The following IPCEF1 variants were observed in gnomAD, a reference collection of about 807,000 sequenced individuals.
IPCEF1 encodes the protein interaction protein for cytohesin exchange factors 1.
In IPCEF1, 31 loss-of-function variants were observed where a neutral mutation model predicts 50.9. The observed-to-expected ratio is 0.61, with a 90% CI of 0.46 to 0.82. The LOEUF (loss-of-function observed/expected upper bound fraction) is 0.82, where lower values mean the gene tolerates loss of function less well. Among genes scored for constraint, IPCEF1 ranks in the 40% least tolerant of loss-of-function variants. The pLI is 0.00. For synonymous variants in IPCEF1, 181 were observed against 192.0 expected (o/e 0.94, Z 0.47); for missense variants, 458 against 514.0 (o/e 0.89, Z 1.05).
intron 10 of IPCEF1, among the ~76,000 whole-genome samples, chr6:154,186,698 A>G (rs932018158): frequency 2.6e-5 from 4 of 151,902 alleles, no homozygotes; most frequent in Non-Finnish European, 4.4e-5. Flanking sequence ...CTGGGACTAC[A>G]GGCGCCCGCC....
chr6:154,296,336 C>A (rs1285567410), intron 1 of IPCEF1, among the ~76,000 whole-genome samples: 1 of 152,144 alleles, frequency 6.6e-6, no homozygotes, highest in Non-Finnish European at 1.5e-5. Flanking sequence ...AAAGTCACTT[C>A]TCGGATCCAC....
chr6:154,182,220 CTATT>C (rs945447916), intron 10 of IPCEF1, among the ~76,000 whole-genome samples: 2 of 152,158 alleles, frequency 1.3e-5, no homozygotes, highest in African/African-American at 4.8e-5. Context: ...TCATTTTCCT[CTATT>C]TGTTTTACCT....
intron 1 of IPCEF1, among the ~76,000 whole-genome samples, chr6:154,309,485 T>G (rs883274): frequency 0.12 from 17,569 of 152,118 alleles, 1,347 homozygotes; most frequent in East Asian, 0.33. Flanking sequence ...ATCTCACCGT[T>G]CTTCACAGAG....
At chr6:154,222,271 G>T (rs1442327596) in intron 6 of IPCEF1, among the ~76,000 whole-genome samples, 1 of 152,252 alleles carries the variant, frequency 6.6e-6, no homozygotes, top group African/African-American at 2.4e-5. Context: ...CAGGGTTTTT[G>T]TAAATAGCCA....
chr6:154,273,389 G>A (rs905626828), intron 2 of IPCEF1, among the ~76,000 whole-genome samples: 1 of 152,214 alleles, frequency 6.6e-6, no homozygotes, highest in East Asian at 1.9e-4. Flanking sequence ...CTGGAGACAA[G>A]CACTGTTTAT....
At chr6:154,162,802 C>G (rs926406480) in intron 11 of IPCEF1, among the ~76,000 whole-genome samples, 18 of 152,132 alleles carry the variant, frequency 1.2e-4, no homozygotes, top group Non-Finnish European at 2.5e-4. Context: ...TCCCTGGACT[C>G]CATCATCATT....
At chr6:154,183,989 TC>T (rs987208018) in intron 10 of IPCEF1, among the ~76,000 whole-genome samples, 7 of 152,128 alleles carry the variant, frequency 4.6e-5, no homozygotes, top group Admixed American at 4.6e-4. Context: ...TAAGCAAATT[TC>T]AAGTACACAA....
At chr6:154,299,154 C>T (rs1318928629) in intron 1 of IPCEF1, among the ~76,000 whole-genome samples, 1 of 140,494 alleles carries the variant, frequency 7.1e-6, no homozygotes, top group Non-Finnish European at 1.6e-5. Flanking sequence ...TGGTTAGCAT[C>T]CTAAAGCCCC....
chr6:154,329,582 C>A (rs532281414), intron 1 of IPCEF1, among the ~76,000 whole-genome samples: 13 of 149,428 alleles, frequency 8.7e-5, no homozygotes, highest in Admixed American at 3.4e-4. Flanking sequence ...CAGAGCCAGA[C>A]CCTGTTGCAA....
intron 1 of IPCEF1, among the ~76,000 whole-genome samples, chr6:154,296,727 G>C (rs1782670289): frequency 6.6e-6 from 1 of 151,732 alleles, no homozygotes; most frequent in African/African-American, 2.4e-5. Flanking sequence ...TACTCGGGAG[G>C]CTGAGGCAGG....
chr6:154,285,755 CAG>C (rs1189541687), intron 2 of IPCEF1, among the ~76,000 whole-genome samples: 13 of 152,098 alleles, frequency 8.5e-5, no homozygotes, highest in Non-Finnish European at 1.6e-4. Context: ...GTTTTTAACA[CAG>C]AGTTTATTTT....
chr6:154,268,934 T>A (rs560967391), intron 2 of IPCEF1, among the ~76,000 whole-genome samples: 14 of 152,316 alleles, frequency 9.2e-5, no homozygotes, highest in African/African-American at 3.4e-4. Context: ...TCCCCTTTTA[T>A]AGCCTCTCAC....
At chr6:154,347,568 G>A (rs544434617) in intron 1 of IPCEF1, among the ~76,000 whole-genome samples, 1 of 152,374 alleles carries the variant, frequency 6.6e-6, no homozygotes, top group East Asian at 1.9e-4. Flanking sequence ...GCCCTGCATG[G>A]CCTGTTGGAA....
intron 2 of IPCEF1, among the ~76,000 whole-genome samples, chr6:154,268,574 A>G (rs1205249432): frequency 1.3e-5 from 2 of 152,110 alleles, no homozygotes. Flanking sequence ...ATTTTTTTCA[A>G]TGCACATCTG....
intron 10 of IPCEF1, among the ~76,000 whole-genome samples, chr6:154,182,756 T>C (rs117118208): frequency 0.011 from 1,620 of 152,270 alleles, 12 homozygotes; most frequent in Non-Finnish European, 0.017. Context: ...TAGATAAATA[T>C]GTTAGCTGTG....
Position 154,235,594 on chromosome 6 carries a change from C to A in IPCEF1, c.246+10997G>T, listed in dbSNP as rs1050513889. Among the ~76,000 whole-genome samples, 4 of 148,496 alleles carry A rather than the reference C, an allele frequency of 2.7e-5. 1 individual carries two copies. The South Asian group carries it at 8.5e-4, about 32-fold the overall frequency. On this transcript the variant is annotated intron_variant, in intron 5 of 11. Transcript: ENST00000367220. ...AAGTCTTTTAAAATCACAGTCAGTA[C>A]AACACATAATCTTGCCTTCCTGCAA...
chr6:154,300,935 A>G (rs534539755), intron 1 of IPCEF1, among the ~76,000 whole-genome samples: 5 of 152,236 alleles, frequency 3.3e-5, no homozygotes, highest in Non-Finnish European at 7.3e-5. Flanking sequence ...CAGACCAGCT[A>G]TTCTAAACCC....
chr6:154,299,872 AAGT>A (rs758042966), intron 1 of IPCEF1, among the ~76,000 whole-genome samples: 1 of 141,336 alleles, frequency 7.1e-6, no homozygotes, highest in Non-Finnish European at 1.6e-5. Context: ...AGAAAAAAGA[AAGT>A]AGTCTATGAC....
At chr6:154,308,838 T>C (rs1234134453) in intron 1 of IPCEF1, among the ~76,000 whole-genome samples, 2 of 152,246 alleles carry the variant, frequency 1.3e-5, no homozygotes. Context: ...TAGAATGTTC[T>C]CTTTGTTGTC....
Sources: gnomAD v4.1 joint callset for allele counts (sites outside exome capture counted in the v4.1 genomes callset) on GRCh38, gnomAD v4.1.1 for gene constraint, MANE v1.5 for transcripts, NCBI Gene and HGNC (gene_info 2026-07-23, HGNC 2026-07-21) for gene names.